The following PTPN20 variants were observed in gnomAD, a reference collection of about 807,000 sequenced individuals.
PTPN20 encodes tyrosine-protein phosphatase non-receptor type 20.
PTPN20 carries 9 observed loss-of-function variants against 35.0 expected under a neutral mutation model. The ratio of observed to expected loss-of-function variants is 0.26; its 90% CI spans 0.15 to 0.45. The LOEUF (loss-of-function observed/expected upper bound fraction) is 0.45. PTPN20 is among the 20% of genes least tolerant of loss of function. The pLI is 1.00. For synonymous variants in PTPN20, 32 were observed against 100.2 expected (o/e 0.32, Z 4.06); for missense variants, 111 against 312.5 (o/e 0.36, Z 4.86).
intron 5 of PTPN20, among the ~76,000 whole-genome samples, chr10:46,953,325 C>T (rs1311743726): frequency 1.4e-5 from 2 of 138,138 alleles, no homozygotes; most frequent in African/African-American, 5.9e-5. Flanking sequence ...ATGTATATGC[C>T]TTTCATTTCT....
chr10:46,950,987 T>A (rs1484952024), intron 5 of PTPN20, among the ~76,000 whole-genome samples: 4 of 146,460 alleles, frequency 2.7e-5, no homozygotes, highest in African/African-American at 1.1e-4. Flanking sequence ...TCACCCATTC[T>A]CCAGTTGACT....
intron 3 of PTPN20, 124 bp downstream of exon 3, chr10:46,940,841 G>A (rs2043244058): frequency 4.3e-6 from 5 of 1,168,122 alleles, no homozygotes; most frequent in Non-Finnish European, 3.8e-6. Context: ...TTTTGTCACT[G>A]TAGTGTTGAC....
chr10:46,928,160 G>A (rs1806880156), intron 1 of PTPN20, among the ~76,000 whole-genome samples: 1 of 151,788 alleles, frequency 6.6e-6, no homozygotes, highest in African/African-American at 2.4e-5. Context: ...GGTTTCAAGG[G>A]TGAAGCATTG....
At chr10:46,935,401 G>A (rs1419123245) in intron 2 of PTPN20, among the ~76,000 whole-genome samples, 4 of 124,090 alleles carry the variant, frequency 3.2e-5, no homozygotes, top group Non-Finnish European at 6.5e-5. Context: ...GCACGATCTC[G>A]GCTCACTGCA....
chr10:46,925,913 C>A (rs1178299682), intron 1 of PTPN20: 16 of 964,334 alleles, frequency 1.7e-5, no homozygotes, highest in Non-Finnish European at 2.0e-5. Context: ...TATGTGGACC[C>A]ATGGGTATAT....
At chr10:46,994,213 C>T (rs1424705268) in intron 9 of PTPN20, among the ~76,000 whole-genome samples, 5 of 149,060 alleles carry the variant, frequency 3.4e-5, no homozygotes, top group Non-Finnish European at 7.4e-5. Context: ...TTCTTTTCTC[C>T]TGCTACTTTT....
intron 7 of PTPN20, among the ~76,000 whole-genome samples, chr10:46,976,104 CA>C (rs1170790562): frequency 7.3e-6 from 1 of 137,358 alleles, no homozygotes; most frequent in African/African-American, 2.7e-5. Flanking sequence ...CATGTGCCAC[CA>C]TACCCAGCTA....
intron 5 of PTPN20, among the ~76,000 whole-genome samples, chr10:46,948,926 CCCCTTCACTTAG>C (rs2045829134): frequency 1.3e-5 from 2 of 149,524 alleles, no homozygotes. Context: ...AAGGTTTCCT[CCCCTTCACTTAG>C]TGTAGTGGTA....
chr10:46,928,602 C>T (rs1199364204), intron 1 of PTPN20, among the ~76,000 whole-genome samples: 1 of 151,856 alleles, frequency 6.6e-6, no homozygotes, highest in African/African-American at 2.4e-5. Context: ...TATACTCACA[C>T]ACTACAGGGA....
At chr10:46,983,778 GA>G (rs2056253204) in intron 7 of PTPN20, among the ~76,000 whole-genome samples, 1 of 142,064 alleles carries the variant, frequency 7.0e-6, no homozygotes. Flanking sequence ...TCAACTATCA[GA>G]TTTTTTTTTT....
At chr10:46,995,750 A>G (rs1156812346) in intron 9 of PTPN20, among the ~76,000 whole-genome samples, 1 of 152,204 alleles carries the variant, frequency 6.6e-6, no homozygotes, top group Non-Finnish European at 1.5e-5. Flanking sequence ...AGATGGTGGG[A>G]AACCTGGATG....
rs1290822071 is a variant in PTPN20 at position 46,911,517 on chromosome 10, TG to T, written c.-124+21del. 1 of 189,252 alleles carries T rather than the reference TG, an allele frequency of 5.3e-6. No individual in the cohort carries two copies. Among genetic ancestry groups the T allele is most frequent in the African/African-American group, 3.1e-5 (1 of 32,402 alleles). 11.7% of individuals were successfully genotyped at this position (189,252 alleles called of 1,614,324 possible). On this transcript the variant is annotated intron_variant, in intron 1 of 10. Coordinates refer to ENST00000374339, the MANE Select transcript of PTPN20 (RefSeq NM_001042357.5). The stretch of plus-strand genomic sequence containing the variant: ...GCAGGCCCAGGTGAGGAAAGGTGGC[TG>T]GGGGCCAGGTGGGCAGGGGGCGTGC...
chr10:46,923,966 G>A (rs2036301053), intron 1 of PTPN20, among the ~76,000 whole-genome samples: 1 of 152,216 alleles, frequency 6.6e-6, no homozygotes, highest in East Asian at 1.9e-4. Flanking sequence ...AAATGATACT[G>A]TGTTTTATAT....
intron 7 of PTPN20, among the ~76,000 whole-genome samples, 181 bp from the exon 8 acceptor site, chr10:46,984,049 A>C (rs1341235091): frequency 1.3e-5 from 2 of 152,072 alleles, no homozygotes; most frequent in African/African-American, 4.8e-5. Flanking sequence ...TCATGCCAAT[A>C]GTTTTCAGGG....
intron 9 of PTPN20, among the ~76,000 whole-genome samples, chr10:46,989,259 T>G (rs1241757702): frequency 3.7e-5 from 3 of 81,368 alleles, no homozygotes; most frequent in Non-Finnish European, 6.9e-5. Context: ...CCCCATTCAG[T>G]ATGATCTTAG....
intron 5 of PTPN20, chr10:46,955,041 T>TGA (rs1186847671): frequency 2.6e-5 from 4 of 151,346 alleles, no homozygotes; most frequent in Non-Finnish European, 5.9e-5. Context: ...TTAAAGTATT[T>TGA]GAGAGAGAGG....
Position 46,981,171 on chromosome 10 carries a change from A to G in PTPN20, c.584-3059A>G, listed in dbSNP as rs553913937. 8 of 147,816 alleles carry G rather than the reference A, an allele frequency of 5.4e-5. No homozygotes were observed. In the East Asian group the frequency reaches 1.8e-3, roughly 32 times the overall value. The allele number at this position is 147,816 out of a possible 1,614,324, so 9.2% of individuals were successfully genotyped here. ...TTGCTAGATAGGCACAAACACAAAG[A>G]TATTTGTATCCCATGTGAATGCTCA... On this transcript the variant is annotated intron_variant, in intron 7 of 10. Transcript: ENST00000374339.
intron 5 of PTPN20, among the ~76,000 whole-genome samples, chr10:46,953,835 G>A (rs2047590608): frequency 1.4e-5 from 2 of 145,580 alleles, no homozygotes; most frequent in African/African-American, 5.4e-5. Flanking sequence ...GACTTTTTTT[G>A]TGTTTATGTT....
intron 10 of PTPN20, 119 bp from the exon 11 acceptor site, chr10:47,000,557 A>C (rs971409293): frequency 6.5e-5 from 73 of 1,123,490 alleles, no homozygotes; most frequent in Non-Finnish European, 9.3e-5. Context: ...TTATAGTTAA[A>C]TGTTTGCTCT....
Sources: allele counts gnomAD v4.1 joint callset (sites outside exome capture counted in the v4.1 genomes callset), GRCh38; gene constraint gnomAD v4.1.1; transcripts MANE v1.5; gene names NCBI Gene and HGNC (gene_info 2026-07-23, HGNC 2026-07-21).